The following OSTF1 variants were observed in gnomAD, a reference collection of about 807,000 sequenced individuals.
OSTF1 encodes the protein osteoclast-stimulating factor 1.
Under a neutral mutation model 37.2 loss-of-function variants are expected in OSTF1, and 27 were observed. The ratio of observed to expected loss-of-function variants is 0.73; its 90% CI spans 0.54 to 1.00. OSTF1 has a LOEUF of 1.00. Ranked by LOEUF, OSTF1 falls within the 50% of genes least tolerant of loss-of-function variation. The pLI is 0.00. For missense variants in OSTF1, 232 were observed against 253.8 expected, an observed-to-expected ratio of 0.91 and a Z score of 0.58; for synonymous variants, 82 against 89.2, an observed-to-expected ratio of 0.92 and a Z score of 0.46.
At chr9:75,120,858 C>G (rs1825569584) in intron 2 of OSTF1, among the ~76,000 whole-genome samples, 1 of 152,216 alleles carries the variant, frequency 6.6e-6, no homozygotes, top group Non-Finnish European at 1.5e-5. Flanking sequence ...GAACCTATCT[C>G]TCAACCCTTT....
chr9:75,091,922 C>A (rs964528819), intron 1 of OSTF1, among the ~76,000 whole-genome samples: 1 of 152,126 alleles, frequency 6.6e-6, no homozygotes, highest in African/African-American at 2.4e-5. Context: ...ATTTTAATGG[C>A]ATTGAGATCT....
chr9:75,112,012 G>A (rs1053671753), intron 1 of OSTF1, among the ~76,000 whole-genome samples: 7 of 151,194 alleles, frequency 4.6e-5, no homozygotes, highest in African/African-American at 1.7e-4. Flanking sequence ...TTTAGTAGAG[G>A]TGGGGTTTCA....
At chr9:75,096,199 C>G (rs1162944557) in intron 1 of OSTF1, among the ~76,000 whole-genome samples, 1 of 152,134 alleles carries the variant, frequency 6.6e-6, no homozygotes, top group African/African-American at 2.4e-5. Context: ...GACATGCCCC[C>G]TCCTTTTTAT....
chr9:75,127,695 A>T (rs1825683168), intron 3 of OSTF1, 76 bp downstream of exon 3: 2 of 790,036 alleles, frequency 2.5e-6, no homozygotes, highest in Non-Finnish European at 4.2e-6. Context: ...AGTTATTTAA[A>T]TATATATGTA....
chr9:75,136,548 G>A (rs1288655739), intron 7 of OSTF1, among the ~76,000 whole-genome samples: 1 of 152,040 alleles, frequency 6.6e-6, no homozygotes, highest in African/African-American at 2.4e-5. Context: ...CCATGCCACT[G>A]GCCTGGCTTA....
At chr9:75,104,322 AT>A (rs1168133487) in intron 1 of OSTF1, among the ~76,000 whole-genome samples, 2 of 152,150 alleles carry the variant, frequency 1.3e-5, no homozygotes, top group Non-Finnish European at 2.9e-5. Context: ...AGGCAAGAGG[AT>A]TGCTTGAAGC....
At chr9:75,113,112 C>A (rs1355218527) in intron 1 of OSTF1, among the ~76,000 whole-genome samples, 3 of 152,018 alleles carry the variant, frequency 2.0e-5, no homozygotes, top group Non-Finnish European at 4.4e-5. Context: ...CCCTGGAATT[C>A]TGATGGTGAA....
chr9:75,144,206 T>C (rs1169817358), intron 9 of OSTF1, among the ~76,000 whole-genome samples: 2 of 151,612 alleles, frequency 1.3e-5, no homozygotes, highest in African/African-American at 2.4e-5. Flanking sequence ...TTGAGGAGAG[T>C]GGAGAAGAAT....
At chr9:75,103,345 A>G (rs1825227916) in intron 1 of OSTF1, among the ~76,000 whole-genome samples, 1 of 152,232 alleles carries the variant, frequency 6.6e-6, no homozygotes, top group South Asian at 2.1e-4. Context: ...TCAAAAGGGC[A>G]TTAAAAGAGA....
chr9:75,128,196 A>G, intron 3 of OSTF1, among the ~76,000 whole-genome samples: 1 of 151,090 alleles, frequency 6.6e-6, no homozygotes, highest in Non-Finnish European at 1.5e-5. Flanking sequence ...TGACATGGTT[A>G]AAAATTGAAG....
chr9:75,110,268 C>A (rs1825363436), intron 1 of OSTF1, among the ~76,000 whole-genome samples: 1 of 152,184 alleles, frequency 6.6e-6, no homozygotes, highest in South Asian at 2.1e-4. Flanking sequence ...CCTCCCCCAA[C>A]CCTTGACAAC....
chr9:75,109,597 C>CAG (rs1352095779), intron 1 of OSTF1, among the ~76,000 whole-genome samples: 2 of 152,256 alleles, frequency 1.3e-5, no homozygotes, highest in East Asian at 3.9e-4. Flanking sequence ...AGGTCATGAC[C>CAG]TTCAGTTTAA....
At chr9:75,105,740 T>C (rs184198823) in intron 1 of OSTF1, among the ~76,000 whole-genome samples, 2 of 152,278 alleles carry the variant, frequency 1.3e-5, no homozygotes, top group Admixed American at 1.3e-4. Flanking sequence ...ATGAAGGGTT[T>C]TTAGGAACCA....
At chr9:75,112,315 T>A (rs1418779203) in intron 1 of OSTF1, among the ~76,000 whole-genome samples, 1 of 152,124 alleles carries the variant, frequency 6.6e-6, no homozygotes, top group Non-Finnish European at 1.5e-5. Flanking sequence ...GTATCCAGGG[T>A]TGTTAAACAG....
intron 1 of OSTF1, among the ~76,000 whole-genome samples, chr9:75,100,455 C>T (rs763373015): frequency 4.6e-5 from 7 of 151,978 alleles, no homozygotes; most frequent in East Asian, 1.9e-4. Context: ...TGAGGCCAGG[C>T]GCGGTGGCTC....
intron 1 of OSTF1, among the ~76,000 whole-genome samples, chr9:75,094,651 G>A (rs890866364): frequency 6.8e-6 from 1 of 146,462 alleles, no homozygotes; most frequent in Non-Finnish European, 1.5e-5. Context: ...TAATGGACAG[G>A]GAAAGACTAC....
chr9:75,094,587 A>G (rs973532026), intron 1 of OSTF1, among the ~76,000 whole-genome samples: 1 of 152,002 alleles, frequency 6.6e-6, no homozygotes, highest in African/African-American at 2.4e-5. Context: ...TCTAATACAC[A>G]CCTTATACCT....
At chr9:75,091,930 T>A (rs970615988) in intron 1 of OSTF1, among the ~76,000 whole-genome samples, 11 of 152,226 alleles carry the variant, frequency 7.2e-5, no homozygotes, top group Admixed American at 5.2e-4. Flanking sequence ...GGCATTGAGA[T>A]CTGAGACAGA....
At chr9:75,126,688 G>A (rs1825667653) in intron 2 of OSTF1, among the ~76,000 whole-genome samples, 1 of 152,026 alleles carries the variant, frequency 6.6e-6, no homozygotes, top group Admixed American at 6.6e-5. Context: ...CTGCCTCCCG[G>A]GTTCAAGAAA....
Sources: gnomAD v4.1 joint callset for allele counts (sites outside exome capture counted in the v4.1 genomes callset) on GRCh38, gnomAD v4.1.1 for gene constraint, MANE v1.5 for transcripts, NCBI Gene and HGNC (gene_info 2026-07-23, HGNC 2026-07-21) for gene names.